Variants in THEMIS observed in about 807,000 individuals in gnomAD.
THEMIS encodes the protein thymocyte selection associated.
Under a neutral mutation model 52.6 loss-of-function variants are expected in THEMIS, and 37 were observed. That is an observed-to-expected ratio of 0.70 (90% CI 0.54 to 0.93). The LOEUF (loss-of-function observed/expected upper bound fraction) is 0.93, where lower values mean the gene tolerates loss of function less well. THEMIS is among the 40% of genes least tolerant of loss of function. The probability of loss-of-function intolerance (pLI) is 0.00; values close to 1 mark genes in which losing one functional copy is unlikely to be tolerated. For synonymous variants in THEMIS, 292 were observed against 272.7 expected, an observed-to-expected ratio of 1.07 and a Z score of -0.70; for missense variants, 808 against 763.1, an observed-to-expected ratio of 1.06 and a Z score of -0.69.
rs1033565481 is a variant in THEMIS, at chr6:127,891,541, A to C, written c.91+9301T>G. ...ACAGAAAGAGACTCCAGCTCAACAA[A>C]AAAAAAAAAAAAAAAGAAAGAAACA... On this transcript the variant is annotated intron_variant, in intron 1 of 5. Coordinates refer to ENST00000368248, the MANE Select transcript of THEMIS (RefSeq NM_001010923.3). Among the ~76,000 whole-genome samples, 7 of 140,910 alleles carry C rather than the reference A, an allele frequency of 5.0e-5. No homozygotes were observed. The South Asian group carries it at 1.0e-3, about 20-fold the overall frequency. 92.4% of individuals were successfully genotyped at this position (140,910 alleles called of 152,430 possible). A position where few individuals can be genotyped will look rare whatever the true frequency, so the allele number is the denominator to read the frequency against.
intron 1 of THEMIS, among the ~76,000 whole-genome samples, chr6:127,877,625 T>C (rs1780354262): frequency 6.6e-6 from 1 of 152,186 alleles, no homozygotes; most frequent in Non-Finnish European, 1.5e-5. Context: ...TTTATTAAAT[T>C]TTCCATCTTA....
chr6:127,729,836 A>G (rs1774698202), intron 4 of THEMIS, among the ~76,000 whole-genome samples: 1 of 152,220 alleles, frequency 6.6e-6, no homozygotes, highest in Non-Finnish European at 1.5e-5. Flanking sequence ...CCACAAAGGT[A>G]TATGGATCCA....
Position 127,813,288 on chromosome 6 carries a change from T to A in THEMIS, c.1353A>T (p.Lys451Asn). Residue 451 changes from lysine (K) to asparagine (N), a missense_variant, in exon 4 of 6, where the codon AAA becomes AAT. Transcript: ENST00000368248. Reference protein sequence around the residue: ...KKQYPISELCKQFRLPFNVKV... With the variant: ...KKQYPISELCNQFRLPFNVKV... ...TCACATTGAAGGGCAAACGGAACTG[T>A]TTACAGAGCTCAGAAATCGGGTACT... The A allele has an allele frequency of 6.2e-7, 1 of 1,614,112 alleles. No homozygotes were observed. The highest frequency in any genetic ancestry group is 8.5e-7 in the Non-Finnish European group (1 of 1,180,008).
intron 4 of THEMIS, among the ~76,000 whole-genome samples, chr6:127,739,514 G>A (rs1456062808): frequency 6.6e-6 from 1 of 152,110 alleles, no homozygotes; most frequent in Non-Finnish European, 1.5e-5. Flanking sequence ...GGTGGCGGGC[G>A]CCTGTAGTCG....
intron 1 of THEMIS, among the ~76,000 whole-genome samples, chr6:127,917,460 T>A (rs1458790750): frequency 6.6e-6 from 1 of 152,236 alleles, no homozygotes; most frequent in Non-Finnish European, 1.5e-5. Flanking sequence ...CAGTAGAATC[T>A]GGAATGTGTG....
intron 1 of THEMIS, among the ~76,000 whole-genome samples, chr6:127,865,981 G>C (rs1156910005): frequency 6.6e-6 from 1 of 152,024 alleles, no homozygotes; most frequent in Admixed American, 6.6e-5. Flanking sequence ...TTTCAATAAG[G>C]TTAATCATTT....
In THEMIS at chr6:127,843,317, C is replaced by T. The variant is rs1282861037; in HGVS notation, c.250+11713G>A. Among the ~76,000 whole-genome samples, 4 of 151,348 alleles carry T rather than the reference C, an allele frequency of 2.6e-5. No individual in the cohort carries two copies. The South Asian group carries it at 6.3e-4, about 24-fold the overall frequency. The stretch of plus-strand genomic sequence containing the variant: ...ATTAAGCAAGAAGTGCTTCAGAACA[C>T]AAATCTGGACCTATACATACTGTTC... On this transcript the variant is annotated intron_variant, in intron 2 of 5. Coordinates refer to ENST00000368248, the MANE Select transcript of THEMIS (RefSeq NM_001010923.3).
intron 4 of THEMIS, among the ~76,000 whole-genome samples, chr6:127,790,649 T>C (rs1406090003): frequency 2.6e-5 from 4 of 152,142 alleles, no homozygotes; most frequent in Non-Finnish European, 5.9e-5. Context: ...TGTCTGAATT[T>C]TGCTTTGGCC....
At chr6:127,855,950 T>G (rs777504450) in intron 1 of THEMIS, among the ~76,000 whole-genome samples, 2 of 151,892 alleles carry the variant, frequency 1.3e-5, no homozygotes, top group Non-Finnish European at 2.9e-5. Flanking sequence ...GAGGCAAAAA[T>G]TCTGGATAAT....
chr6:127,722,945 T>C (rs978401733), intron 4 of THEMIS, among the ~76,000 whole-genome samples: 2 of 151,980 alleles, frequency 1.3e-5, no homozygotes, highest in Non-Finnish European at 2.9e-5. Flanking sequence ...CAAATGAACT[T>C]CTCATTTTTT....
chr6:127,826,702 T>C (rs1019908631), intron 3 of THEMIS, among the ~76,000 whole-genome samples: 2 of 152,210 alleles, frequency 1.3e-5, no homozygotes, highest in African/African-American at 4.8e-5. Flanking sequence ...AAATATTATG[T>C]ATTCCATTTA....
intron 1 of THEMIS, among the ~76,000 whole-genome samples, chr6:127,858,885 T>C (rs1779705877): frequency 6.6e-6 from 1 of 152,154 alleles, no homozygotes; most frequent in African/African-American, 2.4e-5. Context: ...ACATTGCCCC[T>C]GAAGGCTGTA....
intron 3 of THEMIS, among the ~76,000 whole-genome samples, chr6:127,820,660 T>G (rs947227406): frequency 2.6e-5 from 4 of 152,086 alleles, no homozygotes; most frequent in African/African-American, 9.7e-5. Context: ...AGTCTACCTT[T>G]CTTTCTATAC....
chr6:127,727,345 T>G (rs1774585808), intron 4 of THEMIS, among the ~76,000 whole-genome samples: 1 of 152,134 alleles, frequency 6.6e-6, no homozygotes, highest in Non-Finnish European at 1.5e-5. Context: ...GAAATTACAG[T>G]GGAATCAACT....
At chr6:127,700,283 A>G in the THEMIS span, among the ~76,000 whole-genome samples, 387 of 152,024 alleles carry the variant, frequency 2.5e-3, 3 homozygotes, top group African/African-American at 8.8e-3. Context: ...TTCACTACTA[A>G]TCTCTTACTT....
At chr6:127,878,466 T>C (rs1181375683) in intron 1 of THEMIS, among the ~76,000 whole-genome samples, 3 of 152,184 alleles carry the variant, frequency 2.0e-5, no homozygotes, top group Non-Finnish European at 4.4e-5. Flanking sequence ...AAAAATGCTT[T>C]TTACATTTGG....
chr6:127,867,223 T>G lies in THEMIS; in HGVS notation c.92-12035A>C, dbSNP rs182605487. ...ATATCAACTGATATGTTTGATTATT[T>G]GGGATACAAAGTAGTAGATAGAAGA... is the stretch of plus-strand genomic sequence containing the variant. On this transcript the variant is annotated intron_variant, in intron 1 of 5. Transcript: ENST00000368248. 7.2e-5 allele frequency among the ~76,000 whole-genome samples: 11 copies of G among 152,208 alleles called. No individual in the cohort carries two copies. In the East Asian group the frequency reaches 2.1e-3, roughly 29 times the overall value.
intron 1 of THEMIS, among the ~76,000 whole-genome samples, chr6:127,855,769 C>T (rs1044668681): frequency 6.6e-6 from 1 of 151,864 alleles, no homozygotes; most frequent in Non-Finnish European, 1.5e-5. Flanking sequence ...GCAGACCAAC[C>T]CAGATAAACT....
intron 3 of THEMIS, among the ~76,000 whole-genome samples, chr6:127,822,959 C>A (rs1253941387): frequency 2.0e-5 from 3 of 152,154 alleles, no homozygotes; most frequent in African/African-American, 7.2e-5. Context: ...CTTGCATGAG[C>A]CAATTCCTTA....
Sources: gnomAD v4.1 joint callset for allele counts (sites outside exome capture counted in the v4.1 genomes callset) on GRCh38, gnomAD v4.1.1 for gene constraint, MANE v1.5 for transcripts, NCBI Gene and HGNC (gene_info 2026-07-23, HGNC 2026-07-21) for gene names.